The following ARL13B variants were observed in gnomAD, a reference collection of about 807,000 sequenced individuals.
ARL13B encodes ARF like GTPase 13B.
In ARL13B, 36 loss-of-function variants were observed where a neutral mutation model predicts 56.1. The ratio of observed to expected loss-of-function variants is 0.64; its 90% CI spans 0.49 to 0.85. The LOEUF (loss-of-function observed/expected upper bound fraction) is 0.85. Among genes scored for constraint, ARL13B ranks in the 40% least tolerant of loss-of-function variants. The pLI is 0.00. For missense variants in ARL13B, 519 were observed against 507.1 expected (o/e 1.02, Z -0.23); for synonymous variants, 178 against 171.1 (o/e 1.04, Z -0.32).
In ARL13B at chr3:94,039,912, A is replaced by G; in HGVS notation, c.722A>G (p.Asp241Gly). Reference sequence around the variant, plus strand: ...AATGAACAGGAGCAGGCTGAACTCGATGGAACCAGTGGTCTGGCTGAGTTG... The same window carrying G: ...AATGAACAGGAGCAGGCTGAACTCGGTGGAACCAGTGGTCTGGCTGAGTTG... ...KQNEQEQAELDGTSGLAELDP... is the reference protein window; with the variant it reads ...KQNEQEQAELGGTSGLAELDP... The change falls in exon 6 of 10, where the codon GAT (aspartate) becomes GGT (glycine). Residue 241 changes from aspartate (D) to glycine (G), a missense_variant. By Grantham distance (94) the Asp-to-Gly change is moderately conservative. Transcript: ENST00000394222. 1 of 1,614,150 alleles carries G rather than the reference A, an allele frequency of 6.2e-7. No homozygotes were observed. Among genetic ancestry groups the G allele is most frequent in the Non-Finnish European group, 8.5e-7 (1 of 1,180,020 alleles).
At chr3:94,052,431 A>C (rs557136424) in intron 9 of ARL13B, among the ~76,000 whole-genome samples, 10 of 152,182 alleles carry the variant, frequency 6.6e-5, no homozygotes, top group African/African-American at 2.2e-4. Context: ...GCAGTTAGGG[A>C]AAGTGGCATT....
chr3:94,035,487 G>A, intron 4 of ARL13B, 51 bp downstream of exon 4: 2 of 1,282,136 alleles, frequency 1.6e-6, no homozygotes, highest in South Asian at 2.6e-5. Context: ...TTTCAAATAG[G>A]TTCAGTATAA....
intron 1 of ARL13B, among the ~76,000 whole-genome samples, chr3:93,982,379 G>A (rs1294001672): frequency 6.6e-6 from 1 of 152,228 alleles, no homozygotes; most frequent in Non-Finnish European, 1.5e-5. Context: ...ACACGTGGCT[G>A]TTGAGCACTT....
chr3:94,014,831 T>A (rs1037429017), intron 3 of ARL13B: 33 of 1,614,012 alleles, frequency 2.0e-5, no homozygotes, highest in Non-Finnish European at 2.5e-5. Context: ...ATAAACATGA[T>A]TTGCTGAAAA....
intron 1 of ARL13B, among the ~76,000 whole-genome samples, chr3:93,982,042 A>G (rs1575917012): frequency 6.6e-6 from 1 of 152,090 alleles, no homozygotes; most frequent in Non-Finnish European, 1.5e-5. Flanking sequence ...TAAGAAATGT[A>G]TTTGGTTTCT....
At chr3:94,035,501 G>A in intron 4 of ARL13B, 65 bp downstream of exon 4, 2 of 1,178,308 alleles carry the variant, frequency 1.7e-6, no homozygotes, top group African/African-American at 1.6e-5. Flanking sequence ...AGTATAACTT[G>A]GTTTTTATAA....
intron 7 of ARL13B, among the ~76,000 whole-genome samples, chr3:94,045,156 G>A (rs2076958860): frequency 6.6e-6 from 1 of 152,096 alleles, no homozygotes. Flanking sequence ...CCCCAACCCT[G>A]TGCTCTCTGA....
At chr3:93,982,469 A>G (rs1486042885) in intron 1 of ARL13B, among the ~76,000 whole-genome samples, 4 of 152,212 alleles carry the variant, frequency 2.6e-5, no homozygotes, top group Non-Finnish European at 5.9e-5. Context: ...TTTATTATGC[A>G]AAAAAGTCAG....
intron 2 of ARL13B, among the ~76,000 whole-genome samples, chr3:93,998,972 C>T (rs2076010549): frequency 1.3e-5 from 2 of 150,050 alleles, no homozygotes; most frequent in African/African-American, 4.9e-5. Context: ...AAGTTATCTG[C>T]TAGTTTCTTT....
At chr3:93,998,916 C>G (rs1310614254) in intron 2 of ARL13B, among the ~76,000 whole-genome samples, 1 of 150,180 alleles carries the variant, frequency 6.7e-6, no homozygotes, top group Non-Finnish European at 1.5e-5. Flanking sequence ...TTTCTGACTT[C>G]TCAGCCTTCT....
At chr3:94,009,788 T>C (rs995353765) in intron 3 of ARL13B, among the ~76,000 whole-genome samples, 2 of 152,156 alleles carry the variant, frequency 1.3e-5, no homozygotes, top group African/African-American at 4.8e-5. Context: ...CCTTACTGAA[T>C]GTTTCCTTTT....
intron 3 of ARL13B, among the ~76,000 whole-genome samples, chr3:94,032,091 CT>C (rs2076686521): frequency 6.6e-6 from 1 of 152,242 alleles, no homozygotes; most frequent in African/African-American, 2.4e-5. Context: ...TAAGTAAAAA[CT>C]TCTGCACAGC....
intron 3 of ARL13B, among the ~76,000 whole-genome samples, chr3:94,015,743 T>G (rs973632130): frequency 6.6e-6 from 1 of 152,178 alleles, no homozygotes; most frequent in African/African-American, 2.4e-5. Context: ...GTTAAAACCA[T>G]TGTAGTGACA....
At chr3:94,038,259 G>C (rs777726949) in intron 5 of ARL13B, among the ~76,000 whole-genome samples, 6 of 152,176 alleles carry the variant, frequency 3.9e-5, no homozygotes, top group Non-Finnish European at 7.4e-5. Context: ...TCTATGAAGT[G>C]GTTATTTTTA....
chr3:94,027,955 ATG>A (rs1377476210), intron 3 of ARL13B, among the ~76,000 whole-genome samples: 1 of 152,142 alleles, frequency 6.6e-6, no homozygotes, highest in Non-Finnish European at 1.5e-5. Flanking sequence ...GGTTATACGT[ATG>A]TGTCAAATTT....
chr3:93,989,149 A>C (rs1332844586), intron 1 of ARL13B, among the ~76,000 whole-genome samples: 1 of 152,224 alleles, frequency 6.6e-6, no homozygotes, highest in East Asian at 1.9e-4. Context: ...AGCCAATTTG[A>C]TATATATGGA....
rs760607388 is a variant in ARL13B at position 94,039,956 on chromosome 3, C to A, written c.766C>A (p.Pro256Thr). The change falls in exon 6 of 10, where the codon CCT becomes ACT. Residue 256 changes from proline to threonine, a missense_variant. Pro to Thr is a conservative substitution (Grantham distance 38). Transcript: ENST00000394222. ...LAELDPEPTNPFQPIASVIIE... is the reference protein window; with the variant it reads ...LAELDPEPTNTFQPIASVIIE... ...TGAGTTGGACCCAGAACCAACGAAT[C>A]CTTTCCAGCCAATAGCATCTGTAAT... The A allele has an allele frequency of 6.2e-6, 10 of 1,613,778 alleles. No individual in the cohort carries two copies. The East Asian group carries it at 1.8e-4, about 29-fold the overall frequency.
At chr3:94,046,953 T>C (rs1191293067) in intron 7 of ARL13B, among the ~76,000 whole-genome samples, 1 of 152,192 alleles carries the variant, frequency 6.6e-6, no homozygotes, top group Non-Finnish European at 1.5e-5. Flanking sequence ...ATCACACAAC[T>C]TGGGATAGAA....
intron 6 of ARL13B, among the ~76,000 whole-genome samples, chr3:94,042,680 A>G (rs1454848299): frequency 6.6e-6 from 1 of 152,156 alleles, no homozygotes; most frequent in African/African-American, 2.4e-5. Flanking sequence ...TGTACATGAT[A>G]TAGGTATGTA....
Sources: gnomAD v4.1 joint callset for allele counts (sites outside exome capture counted in the v4.1 genomes callset) on GRCh38, gnomAD v4.1.1 for gene constraint, MANE v1.5 for transcripts, NCBI Gene and HGNC (gene_info 2026-07-23, HGNC 2026-07-21) for gene names.